FLT3: variants seen among roughly 807,000 people sequenced by gnomAD.
FLT3 encodes receptor-type tyrosine-protein kinase FLT3.
A neutral mutation model predicts 126.6 loss-of-function variants in FLT3; 46 were observed. The ratio of observed to expected loss-of-function variants is 0.36; its 90% CI spans 0.29 to 0.46. The LOEUF (loss-of-function observed/expected upper bound fraction) is 0.46. Ranked by LOEUF, FLT3 falls within the 20% of genes least tolerant of loss-of-function variation. FLT3 has a pLI of 1.00. For synonymous variants in FLT3, 404 were observed against 434.4 expected (o/e 0.93, Z 0.87); for missense variants, 1,069 against 1,190.3 (o/e 0.90, Z 1.50).
At chr13:28,073,953 A>AAG (rs1566099260) in intron 1 of FLT3, among the ~76,000 whole-genome samples, 1 of 148,512 alleles carries the variant, frequency 6.7e-6, no homozygotes, top group Admixed American at 6.7e-5. Flanking sequence ...AAAAAAAAAA[A>AAG]AAAGAAAAGA....
chr13:28,010,203 T>C (rs913574040), intron 23 of FLT3, among the ~76,000 whole-genome samples: 2 of 152,222 alleles, frequency 1.3e-5, no homozygotes, highest in Non-Finnish European at 2.9e-5. Context: ...ACCAAACAGA[T>C]GTGGTCTCCA....
chr13:28,075,596 A>C (rs1308735490), intron 1 of FLT3, among the ~76,000 whole-genome samples: 1 of 151,610 alleles, frequency 6.6e-6, no homozygotes, highest in African/African-American at 2.4e-5. Flanking sequence ...GAAGTGGCGC[A>C]TGCCTGTAGT....
intron 1 of FLT3, among the ~76,000 whole-genome samples, chr13:28,077,027 G>GGAAGGA (rs1566100906): frequency 0.047 from 87 of 1,832 alleles, no homozygotes; most frequent in African/African-American, 0.065. Flanking sequence ...GGAAGGAAAA[G>GGAAGGA]AAAGAGAGAG....
chr13:28,054,215 G>T lies in FLT3; in HGVS notation c.485-1541C>A, dbSNP rs530209167. 2.6e-5 allele frequency among the ~76,000 whole-genome samples: 4 copies of T among 152,250 alleles called. No individual in the cohort carries two copies. In the East Asian group the frequency reaches 7.7e-4, roughly 29 times the overall value. On this transcript the variant is annotated intron_variant, in intron 4 of 23. Transcript: ENST00000241453. The stretch of plus-strand genomic sequence containing the variant: ...TTATGTTACACAGCAGGATATGAGA[G>T]CACCTATTGCTTTATAGACTTACCA...
In FLT3 at chr13:28,070,618, A is replaced by C. The variant is rs1374761478; in HGVS notation, c.44-6T>G. ...TATCATTGCAGAAAAAACAACTGTAAAACAAAATAAAAATGATAATGTTGA... is the reference window on the plus strand; with the variant it reads ...TATCATTGCAGAAAAAACAACTGTACAACAAAATAAAAATGATAATGTTGA... On this transcript the variant is annotated splice_polypyrimidine_tract_variant and splice_region_variant and intron_variant, in intron 1 of 23. Transcript: ENST00000241453. 1.3e-6 allele frequency: 2 copies of C among 1,588,008 alleles called. No individual in the cohort carries two copies. Among genetic ancestry groups the C allele is most frequent in the African/African-American group, 2.7e-5 (2 of 74,422 alleles).
At chr13:28,037,429 G>A (rs1429888133) in intron 9 of FLT3, 141 bp from the exon 10 acceptor site, 2 of 617,268 alleles carry the variant, frequency 3.2e-6, no homozygotes, top group Non-Finnish European at 5.8e-6. Context: ...TGTCCATATT[G>A]TAGACCCTTG....
At chr13:28,093,278 A>T (rs1195090958) in intron 1 of FLT3, among the ~76,000 whole-genome samples, 10 of 149,902 alleles carry the variant, frequency 6.7e-5, no homozygotes, top group African/African-American at 2.5e-4. Flanking sequence ...GCCAGGCTGG[A>T]CTTGAACTCT....
At chr13:28,050,360 A>G in intron 5 of FLT3, 138 bp from the exon 6 acceptor site, 1 of 758,426 alleles carries the variant, frequency 1.3e-6, no homozygotes, top group Non-Finnish European at 2.1e-6. Context: ...ACAAGCCCAT[A>G]TCTATGGTTT....
In FLT3 at chr13:28,037,169, C is replaced by T. The variant is rs367982646; in HGVS notation, c.1309+16G>A. On this transcript the variant is annotated intron_variant, in intron 10 of 23. Transcript: ENST00000241453. ...AATTAAAAAATAAAAATCAAATTCT[C>T]GGCAATTTAACTTACTTCTTATATT... The T allele has an allele frequency of 6.2e-5, 86 of 1,396,672 alleles. No homozygotes were observed. Among genetic ancestry groups the T allele is most frequent in the African/African-American group, 3.6e-4 (25 of 70,348 alleles). 86.5% of individuals were successfully genotyped at this position (1,396,672 alleles called of 1,614,324 possible).
At chr13:28,098,887 C>T (rs1879643528) in intron 1 of FLT3, among the ~76,000 whole-genome samples, 1 of 151,998 alleles carries the variant, frequency 6.6e-6, no homozygotes, top group Admixed American at 6.6e-5. Context: ...GTTTGGTTTA[C>T]ATGAAGTTCA....
chr13:28,014,737 CA>C (rs1256277912), intron 22 of FLT3, among the ~76,000 whole-genome samples, 180 bp from the exon 23 acceptor site: 2 of 152,116 alleles, frequency 1.3e-5, no homozygotes, highest in East Asian at 3.9e-4. Context: ...ATCAGATGGG[CA>C]GAAATGCATT....
chr13:28,045,911 G>A (rs964120122), intron 9 of FLT3, among the ~76,000 whole-genome samples: 3 of 139,150 alleles, frequency 2.2e-5, no homozygotes, highest in Non-Finnish European at 4.6e-5. Flanking sequence ...ACTGTGGGTT[G>A]ATGCCTCTAA....
At position 28,034,114 on chromosome 13, in the gene FLT3, T is replaced by C. The variant is rs779688631; in HGVS notation, c.1805A>G (p.Lys602Arg). 2 of 1,614,080 alleles carry C rather than the reference T, an allele frequency of 1.2e-6. No individual in the cohort carries two copies. The highest frequency in any genetic ancestry group is 2.2e-5 in the South Asian group (2 of 91,068). Reference protein sequence around the residue: ...VDFREYEYDLKWEFPRENLEF... With the variant: ...VDFREYEYDLRWEFPRENLEF... ...TAAATTTTCTCTTGGAAACTCCCAT[T>C]TGAGATCATATTCATATTCTCTGAA... The change falls in exon 14 of 24, where the codon AAA (lysine) becomes AGA (arginine). Residue 602 changes from lysine (K) to arginine (R), a missense_variant. By Grantham distance (26) the Lys-to-Arg change is conservative. Transcript: ENST00000241453.
At chr13:28,065,994 AAAAT>A (rs886876478) in intron 2 of FLT3, among the ~76,000 whole-genome samples, 8 of 152,006 alleles carry the variant, frequency 5.3e-5, no homozygotes, top group African/African-American at 1.4e-4. Context: ...TATAATAAAT[AAAAT>A]AAATAAATAA....
intron 4 of FLT3, among the ~76,000 whole-genome samples, chr13:28,055,069 C>T (rs1295672992): frequency 6.6e-6 from 1 of 152,068 alleles, no homozygotes; most frequent in East Asian, 1.9e-4. Context: ...GTGATTTTTA[C>T]TTTTTCTCCC....
At position 28,004,938 on chromosome 13, in the gene FLT3, G is replaced by A. The variant is rs142085818; in HGVS notation, c.2860-764C>T. On this transcript the variant is annotated intron_variant, in intron 23 of 23. Transcript: ENST00000241453. ...CTTGAGTTTTCCCTTGGAGTTTCACGACTTTTAAATATTTTTTTCTGAAAT... is the reference window on the plus strand; with the variant it reads ...CTTGAGTTTTCCCTTGGAGTTTCACAACTTTTAAATATTTTTTTCTGAAAT... Among the ~76,000 whole-genome samples the A allele has an allele frequency of 4.3e-4, 66 of 152,238 alleles. No homozygotes were observed. The East Asian group carries it at 0.012, about 28-fold the overall frequency.
intron 17 of FLT3, among the ~76,000 whole-genome samples, chr13:28,026,426 T>A (rs1326952114): frequency 1.3e-5 from 2 of 150,526 alleles, no homozygotes; most frequent in Admixed American, 6.6e-5. Context: ...GGGAATCCAT[T>A]CAGAGAAAGG....
Position 28,016,962 on chromosome 13 carries a change from C to T in FLT3, c.2542-1261G>A, listed in dbSNP as rs75558585. Among the ~76,000 whole-genome samples the T allele has an allele frequency of 5.9e-3, 901 of 152,234 alleles. 9 individuals carry two copies. The highest frequency in any genetic ancestry group is 0.021 in the African/African-American group (863 of 41,556). On this transcript the variant is annotated intron_variant, in intron 20 of 23. Coordinates refer to ENST00000241453, the MANE Select transcript of FLT3 (RefSeq NM_004119.3). ...TGGTTTTATTGGCTTTTTCCCACAT[C>T]AACGCTATGAGGTAAGTGCATAACC...
intron 23 of FLT3, among the ~76,000 whole-genome samples, chr13:28,012,779 A>G (rs986650626): frequency 6.6e-6 from 1 of 152,026 alleles, no homozygotes; most frequent in African/African-American, 2.4e-5. Flanking sequence ...TACCAAAAAT[A>G]CAAAAAAAAT....
Sources: allele counts gnomAD v4.1 joint callset (sites outside exome capture counted in the v4.1 genomes callset), GRCh38; gene constraint gnomAD v4.1.1; transcripts MANE v1.5; gene names NCBI Gene and HGNC (gene_info 2026-07-23, HGNC 2026-07-21).